MOCOS: variants seen among roughly 807,000 people sequenced by gnomAD.
MOCOS encodes the protein molybdenum cofactor sulfurase.
MOCOS carries 86 observed loss-of-function variants against 83.6 expected under a neutral mutation model. The ratio of observed to expected loss-of-function variants is 1.03; its 90% CI spans 0.86 to 1.23. The LOEUF (loss-of-function observed/expected upper bound fraction) is 1.23. Among genes scored for constraint, MOCOS ranks in the 50% most tolerant of loss-of-function variants. The probability of loss-of-function intolerance (pLI) is 0.00; values close to 1 mark genes in which losing one functional copy is unlikely to be tolerated. For synonymous variants in MOCOS, 445 were observed against 434.7 expected (o/e 1.02, Z -0.29); for missense variants, 1,120 against 1,126.9 (o/e 0.99, Z 0.09).
chr18:36,247,137 G>A (rs508008), intron 9 of MOCOS, among the ~76,000 whole-genome samples: 40,902 of 151,956 alleles, frequency 0.27, 6,424 homozygotes, highest in Admixed American at 0.34. Context: ...AGACATGGGG[G>A]AAAGCTGGCA....
chr18:36,251,715 C>T (rs191092918), intron 11 of MOCOS, among the ~76,000 whole-genome samples: 1 of 152,178 alleles, frequency 6.6e-6, no homozygotes, highest in African/African-American at 2.4e-5. Flanking sequence ...CTTCTATAGA[C>T]CTCAGCTCCT....
chr18:36,270,406 G>C lies in MOCOS; in HGVS notation c.*1721G>C, dbSNP rs1228245738. On this transcript the variant is annotated 3_prime_UTR_variant, in exon 15 of 15. Transcript: ENST00000261326. ...ATTATGATGGAAAACAAGTAAGAAG[G>C]CATGCTCTACAAAAATTAGGTCACT... 6.6e-6 allele frequency: 1 copy of C among 152,090 alleles called. No individual in the cohort carries two copies. Among genetic ancestry groups the C allele is most frequent in the Admixed American group, 6.5e-5 (1 of 15,268 alleles). The allele number at this position is 152,090 out of a possible 1,614,324, so 9.4% of individuals were successfully genotyped here.
At chr18:36,229,471 T>G (rs1439388182) in intron 9 of MOCOS, among the ~76,000 whole-genome samples, 3 of 152,234 alleles carry the variant, frequency 2.0e-5, no homozygotes, top group African/African-American at 7.2e-5. Context: ...ATATGTGTCT[T>G]GGCGTGGATT....
intron 9 of MOCOS, among the ~76,000 whole-genome samples, chr18:36,242,034 C>A (rs2091585716): frequency 6.6e-6 from 1 of 152,254 alleles, no homozygotes; most frequent in Admixed American, 6.5e-5. Context: ...CTACCAGGAT[C>A]TCTGACATGC....
At chr18:36,251,423 A>G (rs1384769110) in intron 11 of MOCOS, 140 bp downstream of exon 11, 2 of 1,180,954 alleles carry the variant, frequency 1.7e-6, no homozygotes, top group Non-Finnish European at 2.5e-6. Context: ...GCAGAAACCT[A>G]CTGCAGTAGC....
At chr18:36,232,306 C>T (rs1226735502) in intron 9 of MOCOS, among the ~76,000 whole-genome samples, 1 of 152,104 alleles carries the variant, frequency 6.6e-6, no homozygotes, top group Non-Finnish European at 1.5e-5. Context: ...TAATAATGAG[C>T]TTTGATTTAC....
At chr18:36,235,957 C>T (rs984578123) in intron 9 of MOCOS, among the ~76,000 whole-genome samples, 509 of 151,622 alleles carry the variant, frequency 3.4e-3, no homozygotes, top group Non-Finnish European at 5.4e-3. Context: ...TCATGTCCTT[C>T]GCCCACTTTT....
Position 36,215,527 on chromosome 18 carries a change from CTG to C in MOCOS, c.1350_1351del (p.Cys450TrpfsTer27). 1 of 1,614,004 alleles carries C rather than the reference CTG, an allele frequency of 6.2e-7. No homozygotes were observed. Among genetic ancestry groups the C allele is most frequent in the Non-Finnish European group, 8.5e-7 (1 of 1,179,990 alleles). On this transcript the variant is annotated frameshift_variant, in exon 8 of 15. Coordinates refer to ENST00000261326, the MANE Select transcript of MOCOS (RefSeq NM_017947.4). LOFTEE classifies it high-confidence loss of function. ...VRKHFQAGHV[C>X]GDNMDLIDGQ... The stretch of plus-strand genomic sequence containing the variant: ...CCCTCTTATCCTAGGCTGGTCATGT[CTG>C]TGGGGACAATATGGACCTCATAGAT...
intron 1 of MOCOS, chr18:36,190,018 T>C (rs1452725281): frequency 6.6e-6 from 1 of 152,214 alleles, no homozygotes; most frequent in East Asian, 1.9e-4. Context: ...ACATCACATC[T>C]ATGGGTGATT....
intron 9 of MOCOS, among the ~76,000 whole-genome samples, chr18:36,225,507 C>A (rs1264790185): frequency 6.6e-6 from 1 of 152,142 alleles, no homozygotes; most frequent in African/African-American, 2.4e-5. Context: ...TTCAAAAATC[C>A]AACTTAGTTT....
In MOCOS at chr18:36,249,063, G is replaced by C. The variant is rs74394326; in HGVS notation, c.2039+63G>C. Reference sequence around the variant, plus strand: ...GACAGGCTGGCACAGAGGGGGAAGAGGGTAATGCCCTATGCAATCTATCCT... The same window carrying C: ...GACAGGCTGGCACAGAGGGGGAAGACGGTAATGCCCTATGCAATCTATCCT... On this transcript the variant is annotated intron_variant, in intron 10 of 14. Coordinates refer to ENST00000261326, the MANE Select transcript of MOCOS (RefSeq NM_017947.4). 9.3e-5 allele frequency: 128 copies of C among 1,379,110 alleles called. No individual in the cohort carries two copies. The African/African-American group carries it at 1.7e-3, about 19-fold the overall frequency. The allele number at this position is 1,379,110 out of a possible 1,614,324, so 85.4% of individuals were successfully genotyped here. A position where few individuals can be genotyped will look rare whatever the true frequency, so the allele number is the denominator to read the frequency against.
chr18:36,230,393 T>A lies in MOCOS; in HGVS notation c.1960+10176T>A, dbSNP rs924351913. Among the ~76,000 whole-genome samples the A allele has an allele frequency of 4.1e-4, 63 of 152,146 alleles. 1 individual carries two copies. Among genetic ancestry groups the A allele is most frequent in the Admixed American group, 4.1e-3 (62 of 15,266 alleles). The stretch of plus-strand genomic sequence containing the variant: ...AGCCACTGTGCCCAGCCTGTGTCTA[T>A]GCATTAGACAAAGCAAGCAACTCTC... On this transcript the variant is annotated intron_variant, in intron 9 of 14. Coordinates refer to ENST00000261326, the MANE Select transcript of MOCOS (RefSeq NM_017947.4).
chr18:36,262,378 T>A (rs2091667042), intron 13 of MOCOS, among the ~76,000 whole-genome samples: 1 of 151,780 alleles, frequency 6.6e-6, no homozygotes, highest in South Asian at 2.1e-4. Flanking sequence ...GAATCAAGAT[T>A]GCCCCACTGT....
chr18:36,213,975 C>T (rs1054174931), intron 7 of MOCOS, among the ~76,000 whole-genome samples: 14 of 151,114 alleles, frequency 9.3e-5, no homozygotes, highest in Non-Finnish European at 4.4e-5. Flanking sequence ...GGCACGGTGG[C>T]TCATGCCTGT....
intron 11 of MOCOS, 83 bp downstream of exon 11, chr18:36,251,366 T>C: frequency 3.9e-6 from 6 of 1,534,172 alleles, no homozygotes; most frequent in Non-Finnish European, 5.4e-6. Flanking sequence ...GAACTGCACT[T>C]ACGGGTGACT....
In MOCOS at chr18:36,200,169, C is replaced by A. The variant is rs570733608; in HGVS notation, c.786C>A (p.Phe262Leu). The change falls in exon 4 of 15, where the codon TTC (phenylalanine) becomes TTA (leucine). Residue 262 changes from phenylalanine (F) to leucine (L), a missense_variant. Coordinates refer to ENST00000261326, the MANE Select transcript of MOCOS (RefSeq NM_017947.4). ...AGGCCGACTTTGTCCCCATCTCCTTCTATAAGATCTTCGGGTTTCCTACAG... is the reference window on the plus strand; with the variant it reads ...AGGCCGACTTTGTCCCCATCTCCTTATATAAGATCTTCGGGTTTCCTACAG... ...AHQADFVPIS[F>L]YKIFGFPTGL... 6.2e-7 allele frequency: 1 copy of A among 1,614,212 alleles called. No individual in the cohort carries two copies. The highest frequency in any genetic ancestry group is 1.7e-5 in the Admixed American group (1 of 60,024).
rs1308306064 is a variant in MOCOS at position 36,232,029 on chromosome 18, C to T, written c.1960+11812C>T. On this transcript the variant is annotated intron_variant, in intron 9 of 14. Transcript: ENST00000261326. Reference sequence around the variant, plus strand: ...TCACCCAGGCTGGAGTGCAGTGACACAATCTCAGCTCACTGCAACCTCCAT... The same window carrying T: ...TCACCCAGGCTGGAGTGCAGTGACATAATCTCAGCTCACTGCAACCTCCAT... Among the ~76,000 whole-genome samples, 4 of 152,254 alleles carry T rather than the reference C, an allele frequency of 2.6e-5. No homozygotes were observed. The East Asian group carries it at 7.7e-4, about 29-fold the overall frequency.
chr18:36,204,960 T>C lies in MOCOS; in HGVS notation c.1019-117T>C. 4.3e-6 allele frequency: 4 copies of C among 933,388 alleles called. No homozygotes were observed. The Admixed American group carries it at 1.2e-4, about 27-fold the overall frequency. The allele number at this position is 933,388 out of a possible 1,614,324, so 57.8% of individuals were successfully genotyped here. ...GTGAGCTGTGATCATACCACTGCAC[T>C]CCAGCCTGGGTGACAGAGTGAGTGA... On this transcript the variant is annotated intron_variant, in intron 5 of 14. Coordinates refer to ENST00000261326, the MANE Select transcript of MOCOS (RefSeq NM_017947.4).
rs1042127681 is a variant in MOCOS, at chr18:36,238,384, G to C, written c.1961-10538G>C. Among the ~76,000 whole-genome samples the C allele has an allele frequency of 4.2e-4, 64 of 150,594 alleles. 1 individual carries two copies. Among genetic ancestry groups the C allele is most frequent in the Admixed American group, 1.4e-3 (21 of 15,090 alleles). ...ACATCTTTATTTCTGCCTTCATTTC[G>C]TTATGTACCCAGTAGTCATTCAGGA... On this transcript the variant is annotated intron_variant, in intron 9 of 14. Coordinates refer to ENST00000261326, the MANE Select transcript of MOCOS (RefSeq NM_017947.4).
Sources: gnomAD v4.1 joint callset for allele counts (sites outside exome capture counted in the v4.1 genomes callset) on GRCh38, gnomAD v4.1.1 for gene constraint, MANE v1.5 for transcripts, NCBI Gene and HGNC (gene_info 2026-07-23, HGNC 2026-07-21) for gene names.